Variants in ROBO2 observed in about 807,000 individuals in gnomAD.
ROBO2 encodes the protein roundabout homolog 2.
A neutral mutation model predicts 160.8 loss-of-function variants in ROBO2; 53 were observed. The ratio of observed to expected loss-of-function variants is 0.33; its 90% confidence interval spans 0.26 to 0.41. ROBO2 has a LOEUF of 0.41. Ranked by LOEUF, ROBO2 falls within the 10% of genes least tolerant of loss-of-function variation. The pLI is 1.00. For synonymous variants in ROBO2, 664 were observed against 611.7 expected, an observed-to-expected ratio of 1.09 and a Z score of -1.26; for missense variants, 1,577 against 1,722.4, an observed-to-expected ratio of 0.92 and a Z score of 1.49.
chr3:77,397,439 T>G (rs1446286864), intron 2 of ROBO2, among the ~76,000 whole-genome samples: 1 of 152,106 alleles, frequency 6.6e-6, no homozygotes, highest in Non-Finnish European at 1.5e-5. Context: ...TCTTCATGAG[T>G]CCCATCATAA....
At position 76,213,816 on chromosome 3, in the gene ROBO2, G is replaced by A. The variant is rs147142709; in HGVS notation, c.109+276214G>A. Among the ~76,000 whole-genome samples the A allele has an allele frequency of 4.8e-4, 73 of 152,072 alleles. No individual in the cohort carries two copies. In the East Asian group the frequency reaches 0.011, roughly 24 times the overall value. ...ATGTATTGAGAATAAATTAAGCAAAGGAATACAAAACACAGAGAATAGCAA... is the reference window on the plus strand; with the variant it reads ...ATGTATTGAGAATAAATTAAGCAAAAGAATACAAAACACAGAGAATAGCAA... On this transcript the variant is annotated intron_variant, in intron 2 of 26. Coordinates refer to the ROBO2 transcript ENST00000487694.
At chr3:77,367,480 T>C (rs975528440) in intron 2 of ROBO2, among the ~76,000 whole-genome samples, 2 of 152,008 alleles carry the variant, frequency 1.3e-5, no homozygotes, top group Non-Finnish European at 2.9e-5. Context: ...TAACTCAGAA[T>C]GGATCATAAC....
At chr3:76,562,229 G>T (rs145654844) in intron 2 of ROBO2, among the ~76,000 whole-genome samples, 11 of 151,430 alleles carry the variant, frequency 7.3e-5, no homozygotes, top group Non-Finnish European at 1.2e-4. Context: ...TATAAAATGA[G>T]CATAATCTAA....
At chr3:77,601,164 A>G (rs1457898588) in intron 19 of ROBO2, among the ~76,000 whole-genome samples, 2 of 152,194 alleles carry the variant, frequency 1.3e-5, no homozygotes, top group African/African-American at 2.4e-5. Flanking sequence ...ACTATTGAGT[A>G]TCAGCTAATC....
At chr3:77,104,099 A>G (rs1394551975) in intron 2 of ROBO2, among the ~76,000 whole-genome samples, 2 of 152,162 alleles carry the variant, frequency 1.3e-5, no homozygotes, top group Non-Finnish European at 2.9e-5. Context: ...CATTTAATAT[A>G]TACAAGCAAT....
At chr3:77,305,727 A>G (rs1396681228) in intron 2 of ROBO2, among the ~76,000 whole-genome samples, 1 of 152,244 alleles carries the variant, frequency 6.6e-6, no homozygotes, top group Non-Finnish European at 1.5e-5. Flanking sequence ...AAAGGAAAAG[A>G]AAACAAACCA....
At chr3:76,959,615 C>G (rs1577846393) in intron 2 of ROBO2, among the ~76,000 whole-genome samples, 1 of 152,126 alleles carries the variant, frequency 6.6e-6, no homozygotes, top group Admixed American at 6.5e-5. Flanking sequence ...CTAAGTCTCT[C>G]TCATTACAGA....
chr3:76,453,806 A>G (rs1022671316), intron 2 of ROBO2, among the ~76,000 whole-genome samples: 66 of 152,256 alleles, frequency 4.3e-4, no homozygotes, highest in African/African-American at 1.4e-3. Flanking sequence ...GTGATATATG[A>G]TTTAGTAGTT....
At chr3:77,052,668 A>C (rs2065340948) in intron 1 of ROBO2, among the ~76,000 whole-genome samples, 1 of 152,206 alleles carries the variant, frequency 6.6e-6, no homozygotes, top group Non-Finnish European at 1.5e-5. Flanking sequence ...ATACAATTGA[A>C]ACGGTAATAA....
chr3:77,582,391 GT>G (rs765606855), intron 16 of ROBO2, among the ~76,000 whole-genome samples: 7 of 151,318 alleles, frequency 4.6e-5, no homozygotes, highest in African/African-American at 4.9e-5. Context: ...AGCCAGTCTT[GT>G]TTTTTTTTAA....
chr3:76,920,031 T>C (rs145768089), intron 2 of ROBO2, among the ~76,000 whole-genome samples: 176 of 152,226 alleles, frequency 1.2e-3, no homozygotes, highest in Admixed American at 1.3e-3. Context: ...CAGTGCAAAA[T>C]AAAAATATAG....
chr3:77,633,438 C>T (rs1333472945), intron 23 of ROBO2: 1 of 152,048 alleles, frequency 6.6e-6, no homozygotes, highest in South Asian at 2.1e-4. Flanking sequence ...AGGCATGATG[C>T]GTGCTTTTAC....
At chr3:76,490,180 A>G (rs1457883518) in intron 2 of ROBO2, among the ~76,000 whole-genome samples, 5 of 152,134 alleles carry the variant, frequency 3.3e-5, no homozygotes, top group African/African-American at 1.2e-4. Context: ...GAAATTTTTT[A>G]TCTATTTTCT....
chr3:77,038,511 CA>C (rs1009290087), upstream of ROBO2, among the ~76,000 whole-genome samples: 7 of 152,222 alleles, frequency 4.6e-5, no homozygotes, highest in African/African-American at 1.4e-4. Context: ...ACGTATCCAC[CA>C]AACAAAGGCT....
intron 2 of ROBO2, among the ~76,000 whole-genome samples, chr3:77,304,269 A>G (rs1468496907): frequency 6.6e-6 from 1 of 152,182 alleles, no homozygotes; most frequent in Non-Finnish European, 1.5e-5. Context: ...GCATGTGCAT[A>G]TTTAATAGTT....
At chr3:77,296,789 G>A (rs1169029136) in intron 2 of ROBO2, among the ~76,000 whole-genome samples, 2 of 152,108 alleles carry the variant, frequency 1.3e-5, no homozygotes, top group Admixed American at 6.6e-5. Context: ...CTGGGAGAGA[G>A]GCGTGTGCAA....
intron 2 of ROBO2, among the ~76,000 whole-genome samples, chr3:76,736,067 AG>A (rs2093706093): frequency 6.6e-6 from 1 of 151,670 alleles, no homozygotes; most frequent in South Asian, 2.1e-4. Flanking sequence ...GCGGATCACG[AG>A]GTCAGGAGAT....
intron 1 of ROBO2, among the ~76,000 whole-genome samples, chr3:75,934,569 T>C (rs72886565): frequency 2.0e-5 from 3 of 152,176 alleles, no homozygotes; most frequent in Admixed American, 2.0e-4. Context: ...AGTTAGAAGG[T>C]TATGATTTTT....
intron 2 of ROBO2, among the ~76,000 whole-genome samples, chr3:77,451,299 C>T (rs2081085661): frequency 6.6e-6 from 1 of 152,062 alleles, no homozygotes. Flanking sequence ...ATAAAAACCA[C>T]ATTTTTAATT....
Sources: gnomAD v4.1 joint callset for allele counts (sites outside exome capture counted in the v4.1 genomes callset) on GRCh38, gnomAD v4.1.1 for gene constraint, MANE v1.5 for transcripts, NCBI Gene and HGNC (gene_info 2026-07-23, HGNC 2026-07-21) for gene names.